Variants in MAPK9 observed in about 807,000 individuals in gnomAD.
MAPK9 encodes Jun kinase.
MAPK9 carries 30 observed loss-of-function variants against 57.1 expected under a neutral mutation model. The ratio of observed to expected loss-of-function variants is 0.53; its 90% CI spans 0.39 to 0.71. MAPK9 has a LOEUF of 0.71. Ranked by LOEUF, MAPK9 falls within the 30% of genes least tolerant of loss-of-function variation. The probability of loss-of-function intolerance (pLI) is 0.00; values close to 1 mark genes in which losing one functional copy is unlikely to be tolerated. For missense variants in MAPK9, 362 were observed against 521.0 expected, an observed-to-expected ratio of 0.69 and a Z score of 2.97; for synonymous variants, 155 against 177.0, an observed-to-expected ratio of 0.88 and a Z score of 0.99.
chr5:180,239,329 G>C (rs1757462529), intron 10 of MAPK9, among the ~76,000 whole-genome samples: 1 of 152,232 alleles, frequency 6.6e-6, no homozygotes, highest in Non-Finnish European at 1.5e-5. Context: ...CACGCTGTGT[G>C]CATGCACTGC....
chr5:180,275,845 T>C (rs757046034), intron 2 of MAPK9, among the ~76,000 whole-genome samples: 6 of 152,254 alleles, frequency 3.9e-5, no homozygotes, highest in Admixed American at 3.9e-4. Flanking sequence ...ATACTTCAGC[T>C]GCTTATTCTC....
intron 2 of MAPK9, among the ~76,000 whole-genome samples, chr5:180,270,874 GA>G (rs59452958): frequency 7.9e-6 from 1 of 126,006 alleles, no homozygotes; most frequent in Non-Finnish European, 1.6e-5. Flanking sequence ...AAAAAAAAAA[GA>G]AAAAGAAAAA....
At chr5:180,265,423 C>T (rs1000691823) in intron 3 of MAPK9, among the ~76,000 whole-genome samples, 1 of 152,140 alleles carries the variant, frequency 6.6e-6, no homozygotes, top group Admixed American at 6.5e-5. Context: ...ATCATGGGGG[C>T]GGTTTCCCCC....
chr5:180,280,589 G>T lies in MAPK9; in HGVS notation c.-28C>A, dbSNP rs370604136. On this transcript the variant is annotated 5_prime_UTR_variant, in exon 2 of 12. Coordinates refer to ENST00000452135, the MANE Select transcript of MAPK9 (RefSeq NM_002752.5). ...TGCAGCGTCCTGCAATATCCCGAAG[G>T]GTGGGCAAGTTTCAGATCCCTTCAA... 1 of 1,603,480 alleles carries T rather than the reference G, an allele frequency of 6.2e-7. No individual in the cohort carries two copies. The highest frequency in any genetic ancestry group is 2.2e-5 in the East Asian group (1 of 44,696).
chr5:180,283,291 C>T (rs1490261073), intron 1 of MAPK9, among the ~76,000 whole-genome samples: 1 of 152,218 alleles, frequency 6.6e-6, no homozygotes, highest in Admixed American at 6.5e-5. Context: ...TTCCAGATCA[C>T]TTTTATTTTT....
chr5:180,258,139 T>A (rs1465847205), intron 5 of MAPK9: 1 of 152,238 alleles, frequency 6.6e-6, no homozygotes, highest in African/African-American at 2.4e-5. Flanking sequence ...AGAAAAACCC[T>A]GTGAATGGAA....
intron 5 of MAPK9, among the ~76,000 whole-genome samples, chr5:180,255,205 C>T (rs191962705): frequency 6.6e-6 from 1 of 152,252 alleles, no homozygotes; most frequent in East Asian, 1.9e-4. Flanking sequence ...GAGTTTCAGA[C>T]ATTTGAGGCC....
intron 4 of MAPK9, chr5:180,263,205 T>C (rs1760167355): frequency 6.6e-6 from 1 of 152,210 alleles, no homozygotes; most frequent in African/African-American, 2.4e-5. Flanking sequence ...AGGCCAAAAA[T>C]CTAGGTGTCA....
At chr5:180,242,390 G>A (rs949834843) in intron 8 of MAPK9, among the ~76,000 whole-genome samples, 183 bp downstream of exon 8, 5 of 152,232 alleles carry the variant, frequency 3.3e-5, no homozygotes, top group East Asian at 1.9e-4. Flanking sequence ...CAATTAAGCC[G>A]TCTTATAGAG....
At chr5:180,267,554 TC>T (rs1302988438) in intron 3 of MAPK9, among the ~76,000 whole-genome samples, 1 of 97,784 alleles carries the variant, frequency 1.0e-5, no homozygotes, top group African/African-American at 4.1e-5. Flanking sequence ...AGAGCGAGAC[TC>T]CGTCTCAAAA....
intron 2 of MAPK9, among the ~76,000 whole-genome samples, chr5:180,273,084 T>C (rs1398426616): frequency 1.3e-5 from 2 of 152,210 alleles, no homozygotes; most frequent in Admixed American, 1.3e-4. Flanking sequence ...ACCATTCTGC[T>C]GAGTGTGGAA....
rs1361309771 is a variant in MAPK9, at chr5:180,241,044, G to A, written c.983C>T (p.Ala328Val). The change falls in exon 9 of 12, where the codon GCC becomes GTC. Residue 328 changes from alanine (A) to valine (V), a missense_variant. By Grantham distance (64) the Ala-to-Val change is moderately conservative (BLOSUM62 0). Coordinates refer to ENST00000452135, the MANE Select transcript of MAPK9 (RefSeq NM_002752.5). ...ACAGATACTCACGGCTTCTGCTTCG[G>A]CGGGGTCATACCAAACAGTGATGTA... The part of the protein sequence containing the change: ...HPYITVWYDP[A>V]EAEAPPPQIY... 2 of 1,612,058 alleles carry A rather than the reference G, an allele frequency of 1.2e-6. No individual in the cohort carries two copies. Among genetic ancestry groups the A allele is most frequent in the Admixed American group, 3.4e-5 (2 of 59,682 alleles).
At chr5:180,280,810 T>G (rs1762255024) in intron 1 of MAPK9, among the ~76,000 whole-genome samples, 1 of 152,164 alleles carries the variant, frequency 6.6e-6, no homozygotes, top group Non-Finnish European at 1.5e-5. Flanking sequence ...GGAAGGAATT[T>G]TGAGGCCCAG....
At chr5:180,275,969 C>T (rs925488385) in intron 2 of MAPK9, among the ~76,000 whole-genome samples, 5 of 152,248 alleles carry the variant, frequency 3.3e-5, no homozygotes, top group African/African-American at 1.2e-4. Flanking sequence ...TACAGGTGTT[C>T]GGGCCACCAT....
intron 4 of MAPK9, 72 bp from the exon 5 acceptor site, chr5:180,261,894 T>C: frequency 7.6e-7 from 1 of 1,318,946 alleles, no homozygotes; most frequent in Non-Finnish European, 1.1e-6. Context: ...TTCATGAAAC[T>C]GTAACTTACT....
rs1324353792 is a variant in MAPK9 at position 180,236,356 on chromosome 5, T to A, written c.*28A>T. ...CCCACGGAGGTGAGAGTTCCTTCAA[T>A]GCTGACAGGTTTGCTATTTCTAACC... On this transcript the variant is annotated 3_prime_UTR_variant, in exon 12 of 12. Transcript: ENST00000452135. The A allele has an allele frequency of 6.3e-7, 1 of 1,582,892 alleles. No individual in the cohort carries two copies. Among genetic ancestry groups the A allele is most frequent in the Non-Finnish European group, 8.6e-7 (1 of 1,157,656 alleles).
In MAPK9 at chr5:180,272,112, T is replaced by A. The variant is rs10479466; in HGVS notation, c.123-2703A>T. Among the ~76,000 whole-genome samples the A allele has an allele frequency of 9.7e-3, 1,470 of 152,308 alleles. 23 individuals are homozygous for A. The highest frequency in any genetic ancestry group is 0.034 in the African/African-American group (1,406 of 41,556). The stretch of plus-strand genomic sequence containing the variant: ...TCTCCTCCACATGATTTGCAGACAC[T>A]CTTCTTGCAGCTTCCTTAAGACCTG... On this transcript the variant is annotated intron_variant, in intron 2 of 11. Transcript: ENST00000452135.
intron 7 of MAPK9, 70 bp from the exon 8 acceptor site, chr5:180,242,825 G>A (rs1757772157): frequency 1.6e-6 from 2 of 1,260,724 alleles, no homozygotes; most frequent in Non-Finnish European, 2.2e-6. Context: ...AGCATCACTT[G>A]AATAATATTT....
intron 2 of MAPK9, among the ~76,000 whole-genome samples, chr5:180,273,494 T>C (rs1245564589): frequency 6.6e-6 from 1 of 152,208 alleles, no homozygotes; most frequent in East Asian, 1.9e-4. Context: ...CCCAAAGTGC[T>C]GGAATTATAG....
Sources: allele counts gnomAD v4.1 joint callset (sites outside exome capture counted in the v4.1 genomes callset), GRCh38; gene constraint gnomAD v4.1.1; transcripts MANE v1.5; gene names NCBI Gene and HGNC (gene_info 2026-07-23, HGNC 2026-07-21).